RP2: variants seen among roughly 807,000 people sequenced by gnomAD.
RP2 encodes RP2 activator of ARL3 GTPase.
Under a neutral mutation model 20.3 loss-of-function variants are expected in RP2, and 3 were observed. The observed-to-expected ratio is 0.15, with a 90% confidence interval of 0.07 to 0.38. RP2 has a LOEUF of 0.38. RP2 is among the 10% of genes least tolerant of loss of function. RP2 has a pLI of 1.00. For synonymous variants in RP2, 75 were observed against 94.8 expected (o/e 0.79, Z 1.22); for missense variants, 233 against 268.5 (o/e 0.87, Z 0.92).
At chrX:46,861,249 C>T (rs1395528142) in intron 3 of RP2, among the ~76,000 whole-genome samples, 1 of 111,894 alleles carries the variant, frequency 8.9e-6, no homozygotes, top group Non-Finnish European at 1.9e-5. Flanking sequence ...GATTTATGTA[C>T]CTGTGTGATG....
chrX:46,843,257 T>A (rs1360003464), intron 1 of RP2, among the ~76,000 whole-genome samples: 1 of 111,307 alleles, frequency 9.0e-6, no homozygotes, highest in African/African-American at 3.3e-5. Flanking sequence ...TCTGCCCACC[T>A]TGGCCTCCCA....
intron 3 of RP2, among the ~76,000 whole-genome samples, chrX:46,860,877 A>G (rs1401304539): frequency 1.8e-5 from 2 of 112,219 alleles, no homozygotes; most frequent in African/African-American, 6.5e-5. Flanking sequence ...GTATAAAAAT[A>G]TTATAATAAA....
rs1428018399 is a variant in RP2, at chrX:46,854,046, C to T, written c.673C>T (p.Arg225Trp). The T allele has an allele frequency of 6.6e-6, 8 of 1,209,684 alleles. No individual in the cohort carries two copies. The highest frequency in any genetic ancestry group is 2.2e-5 in the Admixed American group (1 of 45,673). ...CAATAGAAGCATTGTTCCAATATCC[C>T]GGGGTCAGAGACAGAAGAGCAGCGA... ...EANRSIVPIS[R>W]GQRQKSSDES... is the part of the protein sequence containing the mutation. The change falls in exon 2 of 5, where the codon CGG becomes TGG. Residue 225 changes from arginine to tryptophan, a missense_variant. Physicochemically the swap from Arg to Trp is moderately radical, Grantham distance 101. Around this residue, in one of 3 missense-constraint regions of RP2, gnomAD observed 118 missense variants for 123.8 expected, o/e 0.95. Coordinates refer to ENST00000218340, the MANE Select transcript of RP2 (RefSeq NM_006915.3).
chrX:46,844,121 TA>T lies in RP2; in HGVS notation c.102+6925del, dbSNP rs1261659042. ...AGCCCCTTTTATTAAAACAATCATT[TA>T]AAAAATATATTTTTGACCCTGGTAC... On this transcript the variant is annotated intron_variant, in intron 1 of 4. Coordinates refer to ENST00000218340, the MANE Select transcript of RP2 (RefSeq NM_006915.3). Among the ~76,000 whole-genome samples the T allele has an allele frequency of 8.0e-5, 9 of 112,358 alleles. No homozygotes were observed. The South Asian group carries it at 1.4e-3, about 18-fold the overall frequency.
At chrX:46,839,427 C>T (rs1924573425) in intron 1 of RP2, among the ~76,000 whole-genome samples, 1 of 110,188 alleles carries the variant, frequency 9.1e-6, no homozygotes, top group African/African-American at 3.3e-5. Context: ...TGGTGCACAC[C>T]TGTAGTCCCA....
chrX:46,848,510 A>G (rs1298704966), intron 1 of RP2, among the ~76,000 whole-genome samples: 1 of 105,645 alleles, frequency 9.5e-6, no homozygotes, highest in Non-Finnish European at 1.9e-5. Flanking sequence ...CAGCCTCCCA[A>G]GTAGCTGGAA....
intron 1 of RP2, among the ~76,000 whole-genome samples, chrX:46,847,194 T>C (rs1457641179): frequency 8.9e-6 from 1 of 112,046 alleles, no homozygotes; most frequent in African/African-American, 3.2e-5. Flanking sequence ...TTCAAATCAT[T>C]TGCCCATTTT....
At chrX:46,865,154 TAC>T (rs1925148644) in intron 3 of RP2, among the ~76,000 whole-genome samples, 1 of 112,344 alleles carries the variant, frequency 8.9e-6, no homozygotes. Context: ...TAACTTAAAC[TAC>T]AGACTTTATT....
chrX:46,866,076 C>G (rs1925167617), intron 3 of RP2, among the ~76,000 whole-genome samples: 1 of 111,385 alleles, frequency 9.0e-6, no homozygotes, highest in South Asian at 3.8e-4. Flanking sequence ...GCTTTTTTGT[C>G]CCTTTGACAT....
chrX:46,879,082 A>AC (rs1490673059), intron 4 of RP2, among the ~76,000 whole-genome samples: 4 of 100,031 alleles, frequency 4.0e-5, no homozygotes, highest in African/African-American at 1.4e-4. Context: ...AAAAAAAAAA[A>AC]AAAAAAAACT....
chrX:46,861,290 A>G (rs1556320070), intron 3 of RP2, among the ~76,000 whole-genome samples: 1 of 112,125 alleles, frequency 8.9e-6, no homozygotes, highest in Non-Finnish European at 1.9e-5. Flanking sequence ...AATTGCTCCA[A>G]CCCAAATATA....
At chrX:46,879,344 T>C (rs1264416031) in intron 4 of RP2, among the ~76,000 whole-genome samples, 1 of 111,062 alleles carries the variant, frequency 9.0e-6, no homozygotes, top group Non-Finnish European at 1.9e-5. Context: ...TATTAGAAAA[T>C]AGAAGAAACA....
intron 3 of RP2, among the ~76,000 whole-genome samples, chrX:46,870,492 A>G (rs1925270721): frequency 9.0e-6 from 1 of 111,298 alleles, no homozygotes; most frequent in Admixed American, 9.6e-5. Context: ...GCCTCAAGCA[A>G]TCCTCCCTCC....
chrX:46,864,492 C>T (rs1424534185), intron 3 of RP2, among the ~76,000 whole-genome samples: 1 of 109,158 alleles, frequency 9.2e-6, no homozygotes, highest in Non-Finnish European at 1.9e-5. Flanking sequence ...AATCCTCCCA[C>T]CTCTGACTCC....
chrX:46,840,347 AG>A (rs1221725282), intron 1 of RP2, among the ~76,000 whole-genome samples: 1 of 111,946 alleles, frequency 8.9e-6, no homozygotes, highest in Non-Finnish European at 1.9e-5. Flanking sequence ...GGTCAGTCTT[AG>A]GGGACTGAAG....
chrX:46,872,807 G>A (rs1226911819), intron 3 of RP2, among the ~76,000 whole-genome samples: 3 of 111,144 alleles, frequency 2.7e-5, no homozygotes, highest in Admixed American at 1.9e-4. Context: ...GCTTGATCTC[G>A]GCTCACTGCA....
chrX:46,840,643 T>A (rs1286344815), intron 1 of RP2, among the ~76,000 whole-genome samples: 1 of 112,291 alleles, frequency 8.9e-6, no homozygotes, highest in Non-Finnish European at 1.9e-5. Flanking sequence ...CAAGTAAGTC[T>A]CAAAATTATA....
At position 46,854,121 on chromosome X, in the gene RP2, G is replaced by A; in HGVS notation, c.748G>A (p.Ala250Thr). ...LFAGDYTIAN[A>T]RKLIDEMVGK... ...TGCTGGTGATTACACTATTGCAAAT[G>A]CCAGAAAACTAATTGATGAGGTAAG... Residue 250 changes from alanine (A) to threonine (T), a missense_variant, in exon 2 of 5, where the codon GCC becomes ACC. Ala to Thr is a moderately conservative substitution (Grantham distance 58). Transcript: ENST00000218340. 1 of 1,209,879 alleles carries A rather than the reference G, an allele frequency of 8.3e-7. No individual in the cohort carries two copies. Among genetic ancestry groups the A allele is most frequent in the Non-Finnish European group, 1.1e-6 (1 of 893,847 alleles).
chrX:46,862,683 CAAAA>C (rs1181108683), intron 3 of RP2, among the ~76,000 whole-genome samples: 4 of 111,050 alleles, frequency 3.6e-5, no homozygotes, highest in Non-Finnish European at 5.7e-5. Flanking sequence ...AACAAACAAA[CAAAA>C]AAACCCAACA....
Sources: gnomAD v4.1 joint callset for allele counts (sites outside exome capture counted in the v4.1 genomes callset) on GRCh38, gnomAD v4.1.1 for gene constraint, gnomAD v4.1.1 regional missense constraint, MANE v1.5 for transcripts, NCBI Gene and HGNC (gene_info 2026-07-23, HGNC 2026-07-21) for gene names.